Variants in COL18A1 observed in about 807,000 individuals in gnomAD.
COL18A1 encodes collagen type XVIII alpha 1 chain.
Under a neutral mutation model 168.0 loss-of-function variants are expected in COL18A1, and 133 were observed. The ratio of observed to expected loss-of-function variants is 0.79; its 90% CI spans 0.69 to 0.91. The LOEUF (loss-of-function observed/expected upper bound fraction) is 0.91. COL18A1 is among the 40% of genes least tolerant of loss of function. The pLI is 0.00. For missense variants in COL18A1, 2,126 were observed against 1,925.4 expected, an observed-to-expected ratio of 1.10 and a Z score of -1.95; for synonymous variants, 949 against 809.0, an observed-to-expected ratio of 1.17 and a Z score of -2.94.
At chr21:45,477,602 C>T in intron 7 of COL18A1, 115 bp downstream of exon 7, 3 of 1,293,878 alleles carry the variant, frequency 2.3e-6, no homozygotes, top group Non-Finnish European at 3.3e-6. Context: ...CTCCTTTGTG[C>T]CCAGCACTCG....
chr21:45,474,960 G>A (rs541636838), intron 4 of COL18A1, among the ~76,000 whole-genome samples: 1 of 152,232 alleles, frequency 6.6e-6, no homozygotes, highest in Non-Finnish European at 1.5e-5. Flanking sequence ...AGCTTGCTGG[G>A]TGCGGGGGGT....
intron 2 of COL18A1, among the ~76,000 whole-genome samples, chr21:45,441,736 C>T (rs1311334576): frequency 6.6e-6 from 1 of 152,370 alleles, no homozygotes; most frequent in African/African-American, 2.4e-5. Flanking sequence ...GGCATGGCGC[C>T]GGGTCAGCTC....
intron 2 of COL18A1, chr21:45,422,665 C>T (rs573657261): frequency 9.1e-6 from 3 of 331,432 alleles, no homozygotes; most frequent in South Asian, 6.8e-5. Flanking sequence ...CAGCACCCTG[C>T]CAAGGAAAGG....
intron 2 of COL18A1, among the ~76,000 whole-genome samples, chr21:45,432,681 G>A (rs975365612): frequency 5.3e-5 from 8 of 152,246 alleles, no homozygotes; most frequent in Non-Finnish European, 8.8e-5. Context: ...GATTGCTGGC[G>A]GGAATCTTGA....
At chr21:45,458,672 A>T (rs1288028180) in intron 2 of COL18A1, among the ~76,000 whole-genome samples, 1 of 152,114 alleles carries the variant, frequency 6.6e-6, no homozygotes, top group Non-Finnish European at 1.5e-5. Context: ...GGTGTCCTGG[A>T]GCCCCGGGAG....
chr21:45,405,312 G>A (rs2033050138), intron 1 of COL18A1, 67 bp from the exon 2 acceptor site: 1 of 1,059,296 alleles, frequency 9.4e-7, no homozygotes, highest in Non-Finnish European at 1.2e-6. Context: ...GGGGTCGCGG[G>A]GCTCGGCCGG....
rs75466999 is a variant in COL18A1, at chr21:45,460,939, T to G, written c.107-7303T>G. Among the ~76,000 whole-genome samples, 750 of 152,330 alleles carry G rather than the reference T, an allele frequency of 4.9e-3. 8 individuals are homozygous for G. The highest frequency in any genetic ancestry group is 0.017 in the African/African-American group (709 of 41,574). On this transcript the variant is annotated intron_variant, in intron 2 of 41. Coordinates refer to ENST00000651438, the MANE Select transcript of COL18A1 (RefSeq NM_001379500.1). ...GATTCTGAACTAAGCACAGACAGAA[T>G]GAAAAGCACAGCACTCCAAACAGGG...
chr21:45,453,546 A>G (rs2034703510), intron 2 of COL18A1, among the ~76,000 whole-genome samples: 1 of 152,184 alleles, frequency 6.6e-6, no homozygotes, highest in African/African-American at 2.4e-5. Flanking sequence ...GCAGAGCCGC[A>G]CTAGGATTTC....
chr21:45,498,476 C>T lies in COL18A1; in HGVS notation c.2683+815C>T, dbSNP rs182482191. On this transcript the variant is annotated intron_variant, in intron 32 of 41. Coordinates refer to ENST00000651438, the MANE Select transcript of COL18A1 (RefSeq NM_001379500.1). The surrounding 1 kb of genome is among the most constrained non-coding windows in gnomAD (Gnocchi z 4.5). ...CCCTCTCGCCGCCACGGTCCCCGCTCGCCGCCAGGGTCCCCTCTCGCTGCC... is the reference window on the plus strand; with the variant it reads ...CCCTCTCGCCGCCACGGTCCCCGCTTGCCGCCAGGGTCCCCTCTCGCTGCC... 2.6e-4 allele frequency: 184 copies of T among 713,556 alleles called. No homozygotes were observed. The highest frequency in any genetic ancestry group is 8.3e-4 in the South Asian group (56 of 67,460). 44.2% of individuals were successfully genotyped at this position (713,556 alleles called of 1,614,324 possible). A position where few individuals can be genotyped will look rare whatever the true frequency, so the allele number is the denominator to read the frequency against.
chr21:45,442,645 G>A (rs1569291780), intron 2 of COL18A1, among the ~76,000 whole-genome samples: 1 of 146,418 alleles, frequency 6.8e-6, no homozygotes, highest in Non-Finnish European at 1.5e-5. Context: ...GCTGGTGTGG[G>A]CAGCGGTGCT....
At chr21:45,480,581 G>A in intron 12 of COL18A1, 61 bp downstream of exon 12, 1 of 1,613,856 alleles carries the variant, frequency 6.2e-7, no homozygotes, top group Non-Finnish European at 8.5e-7. Context: ...ACAGGCCATG[G>A]ACCCCCAAGA....
At chr21:45,438,245 CCTG>C (rs1309936224) in intron 2 of COL18A1, among the ~76,000 whole-genome samples, 3 of 118,088 alleles carry the variant, frequency 2.5e-5, no homozygotes, top group South Asian at 2.7e-4. Context: ...CAGGCACTCT[CCTG>C]CACACACACA....
At chr21:45,487,372 G>C in intron 16 of COL18A1, 75 bp from the exon 17 acceptor site, 1 of 1,550,208 alleles carries the variant, frequency 6.5e-7, no homozygotes, top group South Asian at 1.1e-5. Context: ...CTCCTCTCGG[G>C]CAGTGCCACC....
At chr21:45,491,591 CCT>C (rs1045109797) in intron 22 of COL18A1, among the ~76,000 whole-genome samples, 7 of 147,780 alleles carry the variant, frequency 4.7e-5, no homozygotes, top group African/African-American at 7.3e-5. Flanking sequence ...GGGCTCACTC[CCT>C]GTGTCCTTGA....
At position 45,443,039 on chromosome 21, in the gene COL18A1, C is replaced by T. The variant is rs368850360; in HGVS notation, c.107-25203C>T. On this transcript the variant is annotated intron_variant, in intron 2 of 41. Transcript: ENST00000651438. The surrounding 1 kb of genome is among the most constrained non-coding windows in gnomAD (Gnocchi z 5.2). ...TGGGTGGTGGTGGTGCTGATGTGGGCGGCGGTGCTGGTGTGGGCGGTGGTG... is the reference window on the plus strand; with the variant it reads ...TGGGTGGTGGTGGTGCTGATGTGGGTGGCGGTGCTGGTGTGGGCGGTGGTG... Among the ~76,000 whole-genome samples the T allele has an allele frequency of 1.1e-3, 93 of 82,712 alleles. No individual in the cohort carries two copies. The highest frequency in any genetic ancestry group is 2.0e-3 in the African/African-American group (31 of 15,820). The allele number at this position is 82,712 out of a possible 152,430, so 54.3% of individuals were successfully genotyped here.
chr21:45,468,863 G>T, intron 3 of COL18A1, 77 bp downstream of exon 3: 1 of 1,399,064 alleles, frequency 7.1e-7, no homozygotes, highest in Admixed American at 2.2e-5. Context: ...CTGGGACAGG[G>T]ACGGAGCTGT....
chr21:45,483,366 C>A (rs2035966078), intron 15 of COL18A1, among the ~76,000 whole-genome samples: 1 of 152,232 alleles, frequency 6.6e-6, no homozygotes. Flanking sequence ...TGCTCAGACC[C>A]TCTGGACTCG....
At chr21:45,437,581 TACAC>T (rs138345651) in intron 2 of COL18A1, among the ~76,000 whole-genome samples, 1 of 6,752 alleles carries the variant, frequency 1.5e-4, no homozygotes, top group Non-Finnish European at 2.5e-4. Flanking sequence ...CACTCTCCTG[TACAC>T]ACACACACTC....
intron 2 of COL18A1, among the ~76,000 whole-genome samples, chr21:45,458,354 G>A (rs2145861528): frequency 6.6e-6 from 1 of 151,966 alleles, no homozygotes; most frequent in South Asian, 2.1e-4. Flanking sequence ...AGCTCTCTGA[G>A]GCAGGGGCCG....
Sources: allele counts gnomAD v4.1 joint callset (sites outside exome capture counted in the v4.1 genomes callset), GRCh38; gene constraint gnomAD v4.1.1; non-coding constraint Gnocchi (gnomAD v3.1); transcripts MANE v1.5; gene names NCBI Gene and HGNC (gene_info 2026-07-23, HGNC 2026-07-21).